Variants in TSPAN5 observed in about 807,000 individuals in gnomAD.
TSPAN5 encodes the protein tetraspanin 5.
A neutral mutation model predicts 37.1 loss-of-function variants in TSPAN5; 10 were observed. The observed-to-expected ratio is 0.27, with a 90% CI of 0.17 to 0.46. The LOEUF (loss-of-function observed/expected upper bound fraction) is 0.46, where lower values mean the gene tolerates loss of function less well. Among genes scored for constraint, TSPAN5 ranks in the 20% least tolerant of loss-of-function variants. The probability of loss-of-function intolerance (pLI) is 1.00; values close to 1 mark genes in which losing one functional copy is unlikely to be tolerated. For synonymous variants in TSPAN5, 110 were observed against 118.9 expected, an observed-to-expected ratio of 0.93 and a Z score of 0.48; for missense variants, 195 against 326.6, an observed-to-expected ratio of 0.60 and a Z score of 3.11.
chr4:98,576,052 G>A (rs1273222257), intron 1 of TSPAN5, among the ~76,000 whole-genome samples: 1 of 152,088 alleles, frequency 6.6e-6, no homozygotes, highest in Non-Finnish European at 1.5e-5. Flanking sequence ...CTGGTGGACA[G>A]AGCGAGACTC....
chr4:98,608,008 G>C (rs560596213), intron 1 of TSPAN5, among the ~76,000 whole-genome samples: 1 of 152,266 alleles, frequency 6.6e-6, no homozygotes, highest in South Asian at 2.1e-4. Flanking sequence ...ACTGCGCCGG[G>C]CCATGAAATT....
At chr4:98,581,128 G>A (rs891161365) in intron 1 of TSPAN5, among the ~76,000 whole-genome samples, 1 of 152,158 alleles carries the variant, frequency 6.6e-6, no homozygotes, top group Non-Finnish European at 1.5e-5. Context: ...GTACTCATTT[G>A]GGGGAATCCC....
chr4:98,556,561 A>G (rs1245490091), intron 1 of TSPAN5, among the ~76,000 whole-genome samples: 1 of 152,242 alleles, frequency 6.6e-6, no homozygotes, highest in Non-Finnish European at 1.5e-5. Flanking sequence ...TGTTCTCAAT[A>G]AAATAATAGA....
intron 1 of TSPAN5, among the ~76,000 whole-genome samples, chr4:98,563,561 T>C (rs1754924372): frequency 6.6e-6 from 1 of 152,190 alleles, no homozygotes; most frequent in Non-Finnish European, 1.5e-5. Context: ...CCCCTACACA[T>C]ACACATGCAC....
chr4:98,524,324 T>G (rs1753915658), intron 1 of TSPAN5, among the ~76,000 whole-genome samples: 3 of 152,188 alleles, frequency 2.0e-5, no homozygotes, highest in South Asian at 4.1e-4. Flanking sequence ...ACAGAATATA[T>G]TAGGTTCACA....
intron 1 of TSPAN5, among the ~76,000 whole-genome samples, chr4:98,529,643 C>G (rs1394267386): frequency 1.3e-5 from 2 of 152,192 alleles, no homozygotes; most frequent in African/African-American, 4.8e-5. Flanking sequence ...CCAATTCAAA[C>G]CCAGGCATCT....
chr4:98,554,080 T>A lies in TSPAN5; in HGVS notation c.82-46352A>T, dbSNP rs1485211205. Reference sequence around the variant, plus strand: ...AGACTCTATCTAAAAAAAAAATAAATTAAAAAAAAAATGTAAAAAGCAGTC... The same window carrying A: ...AGACTCTATCTAAAAAAAAAATAAAATAAAAAAAAAATGTAAAAAGCAGTC... On this transcript the variant is annotated intron_variant, in intron 1 of 7. Transcript: ENST00000305798. 8.7e-3 allele frequency among the ~76,000 whole-genome samples: 1,173 copies of A among 134,980 alleles called. 17 individuals carry two copies. The highest frequency in any genetic ancestry group is 0.032 in the African/African-American group (1,073 of 33,676). The allele number at this position is 134,980 out of a possible 152,430, so 88.6% of individuals were successfully genotyped here.
chr4:98,478,419 G>A (rs1364117334), intron 5 of TSPAN5, among the ~76,000 whole-genome samples: 1 of 152,234 alleles, frequency 6.6e-6, no homozygotes, highest in African/African-American at 2.4e-5. Context: ...GAGGGTAATG[G>A]TGGTATCTGC....
chr4:98,625,911 C>T (rs1391160232), intron 1 of TSPAN5, among the ~76,000 whole-genome samples: 1 of 151,956 alleles, frequency 6.6e-6, no homozygotes, highest in Non-Finnish European at 1.5e-5. Flanking sequence ...ATTTATACTA[C>T]CACATATTTT....
At chr4:98,510,881 T>C (rs940557198) in intron 1 of TSPAN5, among the ~76,000 whole-genome samples, 1 of 152,174 alleles carries the variant, frequency 6.6e-6, no homozygotes, top group African/African-American at 2.4e-5. Context: ...TCTCAGACCA[T>C]ATGTTTTGTT....
At chr4:98,579,484 A>G (rs1755321497) in intron 1 of TSPAN5, among the ~76,000 whole-genome samples, 1 of 152,112 alleles carries the variant, frequency 6.6e-6, no homozygotes, top group South Asian at 2.1e-4. Context: ...TTAAAAAGAG[A>G]GAGAGAGCTG....
At position 98,548,889 on chromosome 4, in the gene TSPAN5, GTGTGT is replaced by G. The variant is rs1560532767; in HGVS notation, c.82-41166_82-41162del. ...TTATCGCTGCATAGTATTCCAAGGT[GTGTGT>G]GTGTGTGTGTGTGTGTGTGTGTGTG... On this transcript the variant is annotated intron_variant, in intron 1 of 7. Transcript: ENST00000305798. Among the ~76,000 whole-genome samples the G allele has an allele frequency of 3.7e-3, 548 of 146,910 alleles. 4 individuals carry two copies. The highest frequency in any genetic ancestry group is 8.1e-3 in the East Asian group (41 of 5,080).
At chr4:98,653,051 T>C (rs1265807631) in intron 1 of TSPAN5, among the ~76,000 whole-genome samples, 1 of 152,202 alleles carries the variant, frequency 6.6e-6, no homozygotes, top group Non-Finnish European at 1.5e-5. Flanking sequence ...TATGACACTT[T>C]CATAACCATA....
chr4:98,585,310 ACT>A (rs201248575), intron 1 of TSPAN5, among the ~76,000 whole-genome samples: 2 of 147,798 alleles, frequency 1.4e-5, no homozygotes, highest in Non-Finnish European at 1.5e-5. Flanking sequence ...CTATTATTCC[ACT>A]CTCTCTCTTT....
At chr4:98,611,504 C>A (rs180773512) in intron 1 of TSPAN5, among the ~76,000 whole-genome samples, 21 of 152,256 alleles carry the variant, frequency 1.4e-4, no homozygotes, top group African/African-American at 5.1e-4. Context: ...TGACAAGAAG[C>A]TGAAATGTGA....
intron 3 of TSPAN5, chr4:98,485,391 GAGACA>G (rs1195476132): frequency 6.6e-6 from 1 of 152,220 alleles, no homozygotes; most frequent in Non-Finnish European, 1.5e-5. Flanking sequence ...GAGAGAGAGA[GAGACA>G]CTGTGTGTGT....
chr4:98,632,201 C>T (rs1340278555), intron 1 of TSPAN5, among the ~76,000 whole-genome samples: 4 of 152,178 alleles, frequency 2.6e-5, no homozygotes, highest in Non-Finnish European at 5.9e-5. Context: ...GTGCCTCCCA[C>T]TATCATATTC....
intron 2 of TSPAN5, among the ~76,000 whole-genome samples, chr4:98,495,755 G>T (rs980454661): frequency 6.6e-6 from 1 of 151,974 alleles, no homozygotes; most frequent in African/African-American, 2.4e-5. Context: ...ATAAACTTCA[G>T]GAGTGTCTGT....
intron 1 of TSPAN5, among the ~76,000 whole-genome samples, chr4:98,624,887 C>G (rs1273709595): frequency 6.6e-6 from 1 of 151,182 alleles, no homozygotes; most frequent in Admixed American, 6.6e-5. Flanking sequence ...ATACACAAGA[C>G]TAACGCCACA....
Sources: gnomAD v4.1 joint callset for allele counts (sites outside exome capture counted in the v4.1 genomes callset) on GRCh38, gnomAD v4.1.1 for gene constraint, MANE v1.5 for transcripts, NCBI Gene and HGNC (gene_info 2026-07-23, HGNC 2026-07-21) for gene names.